The following TRAF2 variants were observed in gnomAD, a reference collection of about 807,000 sequenced individuals.
The protein encoded by TRAF2 is TNF receptor associated factor 2, also known as TNF receptor-associated factor 2.
Under a neutral mutation model 55.6 loss-of-function variants are expected in TRAF2, and 6 were observed. That is an observed-to-expected ratio of 0.11 (90% CI 0.06 to 0.21). The LOEUF (loss-of-function observed/expected upper bound fraction) is 0.21. Among genes scored for constraint, TRAF2 ranks in the 10% least tolerant of loss-of-function variants. The pLI, the probability that TRAF2 is intolerant of heterozygous loss-of-function variation, is 1.00. For missense variants in TRAF2, 561 were observed against 684.5 expected (o/e 0.82, Z 2.01); for synonymous variants, 329 against 276.3 (o/e 1.19, Z -1.89).
chr9:136,925,596 G>A (rs17250673), intron 10 of TRAF2, 87 bp from the exon 11 acceptor site: 284,362 of 1,364,884 alleles, frequency 0.21, 31,348 homozygotes, highest in Admixed American at 0.36. Context: ...GCCTCCTGCT[G>A]GTGGCCCTGC....
chr9:136,906,312 G>T (rs1470416452), intron 4 of TRAF2, among the ~76,000 whole-genome samples: 1 of 152,120 alleles, frequency 6.6e-6, no homozygotes, highest in Non-Finnish European at 1.5e-5. Flanking sequence ...GACTTGGGTA[G>T]TTTATAAAGA....
At chr9:136,911,290 CAG>C (rs1456044841) in intron 6 of TRAF2, among the ~76,000 whole-genome samples, 3 of 129,264 alleles carry the variant, frequency 2.3e-5, no homozygotes, top group East Asian at 2.2e-4. Flanking sequence ...TTTTTGGAGA[CAG>C]AGTTTCGCTC....
At chr9:136,898,657 T>TA in intron 1 of TRAF2, 56 bp from the exon 2 acceptor site, 1 of 1,593,530 alleles carries the variant, frequency 6.3e-7, no homozygotes, top group South Asian at 1.1e-5. Context: ...TGGTTTGGTT[T>TA]TGTCTCGAGG....
chr9:136,918,255 A>ATATATATATATATTTATT (rs1402432355), intron 7 of TRAF2, among the ~76,000 whole-genome samples: 75 of 23,280 alleles, frequency 3.2e-3, no homozygotes, highest in African/African-American at 0.016. Context: ...ATATATATAT[A>ATATATATATATATTTATT]TATTTATTTA....
In TRAF2 at chr9:136,904,829, C is replaced by T. The variant is rs577672037; in HGVS notation, c.367-3241C>T. The stretch of plus-strand genomic sequence containing the variant: ...GATTCAGCTTGATGGTGGCTTGTTA[C>T]ACACTAGTGTGGCCGAGGGCTGGGT... On this transcript the variant is annotated intron_variant, in intron 4 of 10. Coordinates refer to ENST00000247668, the MANE Select transcript of TRAF2 (RefSeq NM_021138.4). 4.8e-5 allele frequency among the ~76,000 whole-genome samples: 6 copies of T among 126,164 alleles called. No homozygotes were observed. The East Asian group carries it at 1.5e-3, about 31-fold the overall frequency. The allele number at this position is 126,164 out of a possible 152,430, so 82.8% of individuals were successfully genotyped here. A position where few individuals can be genotyped will look rare whatever the true frequency, so the allele number is the denominator to read the frequency against.
intron 4 of TRAF2, among the ~76,000 whole-genome samples, chr9:136,903,948 C>CT (rs1309960675): frequency 6.6e-6 from 1 of 152,214 alleles, no homozygotes; most frequent in African/African-American, 2.4e-5. Context: ...TCCCAAAGTG[C>CT]TGGGATTACA....
chr9:136,915,034 C>G (rs1307259621), intron 6 of TRAF2, among the ~76,000 whole-genome samples: 4 of 152,018 alleles, frequency 2.6e-5, no homozygotes, highest in African/African-American at 7.3e-5. Flanking sequence ...ACAAAATTAG[C>G]CGGGTGTGGT....
At chr9:136,920,715 C>G (rs1468717897) in intron 8 of TRAF2, among the ~76,000 whole-genome samples, 200 bp downstream of exon 8, 1 of 152,186 alleles carries the variant, frequency 6.6e-6, no homozygotes, top group Non-Finnish European at 1.5e-5. Flanking sequence ...GGGGCCCAAA[C>G]CCTGGAAGGT....
chr9:136,897,466 G>T (rs902007589), intron 1 of TRAF2, among the ~76,000 whole-genome samples: 1 of 151,956 alleles, frequency 6.6e-6, no homozygotes, highest in Non-Finnish European at 1.5e-5. Flanking sequence ...ACCCGTGGTA[G>T]CTAAAGGGAA....
intron 9 of TRAF2, among the ~76,000 whole-genome samples, chr9:136,921,582 G>T (rs879382432): frequency 3.9e-5 from 6 of 152,006 alleles, no homozygotes; most frequent in Admixed American, 1.3e-4. Flanking sequence ...GCGGGTGGGG[G>T]TGGCTGTGGG....
chr9:136,900,023 C>A (rs753817707), intron 3 of TRAF2, among the ~76,000 whole-genome samples: 1 of 152,040 alleles, frequency 6.6e-6, no homozygotes, highest in African/African-American at 2.4e-5. Context: ...AAAAATTAGC[C>A]GGGTGTGGTG....
At chr9:136,904,137 C>T (rs1849890809) in intron 4 of TRAF2, among the ~76,000 whole-genome samples, 1 of 152,274 alleles carries the variant, frequency 6.6e-6, no homozygotes, top group South Asian at 2.1e-4. Context: ...CCCCCACACA[C>T]ATTTTTTTCT....
chr9:136,905,814 T>G (rs1422298428), intron 4 of TRAF2, among the ~76,000 whole-genome samples: 1 of 152,138 alleles, frequency 6.6e-6, no homozygotes, highest in Non-Finnish European at 1.5e-5. Flanking sequence ...CTGGGTAAGA[T>G]GGCTCTACCG....
intron 1 of TRAF2, 135 bp downstream of exon 1, chr9:136,886,676 A>C: frequency 2.7e-5 from 2 of 73,436 alleles, no homozygotes; most frequent in Non-Finnish European, 4.1e-5. Flanking sequence ...GGGGCGGGAG[A>C]GGCCGCGGGG....
Position 136,908,083 on chromosome 9 carries a change from G to A in TRAF2, c.380G>A (p.Gly127Asp), listed in dbSNP as rs1180250147. The stretch of plus-strand genomic sequence containing the variant: ...TTTCGTTGCTAGAGCTGCCACGAAG[G>A]CCGCTGCCCGCTCATGCTGACCGAA... ...TLKEYESCHE[G>D]RCPLMLTECP... The change falls in exon 5 of 11, where the codon GGC (glycine) becomes GAC (aspartate). Residue 127 changes from glycine to aspartate, a missense_variant. By Grantham distance (94) the Gly-to-Asp change is moderately conservative. Coordinates refer to ENST00000247668, the MANE Select transcript of TRAF2 (RefSeq NM_021138.4). 6.2e-7 allele frequency: 1 copy of A among 1,602,920 alleles called. No homozygotes were observed.
intron 10 of TRAF2, 87 bp downstream of exon 10, chr9:136,924,087 A>T: frequency 7.2e-6 from 11 of 1,523,950 alleles, no homozygotes; most frequent in Non-Finnish European, 9.7e-6. Context: ...GTTGTGCGGG[A>T]CAAGGTGGCT....
chr9:136,897,530 AC>A (rs1433339891), intron 1 of TRAF2, among the ~76,000 whole-genome samples: 1 of 151,630 alleles, frequency 6.6e-6, no homozygotes, highest in East Asian at 1.9e-4. Context: ...CTGGAGGGAA[AC>A]CCGTGGTAGC....
At chr9:136,922,857 G>C (rs1183961373) in intron 9 of TRAF2, among the ~76,000 whole-genome samples, 1 of 143,384 alleles carries the variant, frequency 7.0e-6, no homozygotes, top group East Asian at 2.1e-4. Flanking sequence ...ACGAGGATGG[G>C]GAGGATGGGC....
chr9:136,925,818 G>A lies in TRAF2; in HGVS notation c.1423G>A (p.Val475Ile), dbSNP rs148765924. ...AAGCGGCTGCCCCCTCTTCTGCCCC[G>A]TCTCCAAGATGGAGGCAAAGAATTC... ...IASGCPLFCP[V>I]SKMEAKNSYV... The change falls in exon 11 of 11, where the codon GTC becomes ATC. Residue 475 changes from valine to isoleucine, a missense_variant. Around this residue, in one of 2 missense-constraint regions of TRAF2, gnomAD observed 135 missense variants for 207.7 expected, o/e 0.65. Transcript: ENST00000247668. 2.8e-5 allele frequency: 46 copies of A among 1,614,100 alleles called. No homozygotes were observed. The highest frequency in any genetic ancestry group is 1.2e-4 in the African/African-American group (9 of 74,930).
Sources: allele counts gnomAD v4.1 joint callset (sites outside exome capture counted in the v4.1 genomes callset), GRCh38; gene constraint gnomAD v4.1.1; regional missense constraint gnomAD v4.1.1; transcripts MANE v1.5; gene names NCBI Gene and HGNC (gene_info 2026-07-23, HGNC 2026-07-21).